Variants in TSPAN12 observed in about 807,000 individuals in gnomAD.
The protein encoded by TSPAN12 is tetraspanin 12, also known as tetraspanin-12.
Under a neutral mutation model 39.2 loss-of-function variants are expected in TSPAN12, and 19 were observed. That is an observed-to-expected ratio of 0.49 (90% CI 0.34 to 0.71). The LOEUF is 0.71. Ranked by LOEUF, TSPAN12 falls within the 30% of genes least tolerant of loss-of-function variation. The pLI is 0.01. For synonymous variants in TSPAN12, 119 were observed against 124.8 expected, an observed-to-expected ratio of 0.95 and a Z score of 0.31; for missense variants, 314 against 359.9, an observed-to-expected ratio of 0.87 and a Z score of 1.03.
chr7:120,788,924 T>G, intron 7 of TSPAN12, 27 bp from the exon 8 acceptor site: 3 of 1,611,794 alleles, frequency 1.9e-6, no homozygotes, highest in Admixed American at 1.7e-5. Context: ...TGGTCAACAT[T>G]ACTTTAGATA....
Position 120,840,097 on chromosome 7 carries a change from T to C in TSPAN12, c.79A>G (p.Ser27Gly), listed in dbSNP as rs1392484658. The C allele has an allele frequency of 1.2e-6, 2 of 1,613,396 alleles. No individual in the cohort carries two copies. Among genetic ancestry groups the C allele is most frequent in the Non-Finnish European group, 1.7e-6 (2 of 1,179,544 alleles). ...LNLLFWLMSI[S>G]VLAVSAWMRD... is the part of the protein sequence containing the mutation. The stretch of plus-strand genomic sequence containing the variant: ...ATCCAAGCAGAAACTGCCAACACAC[T>C]GATGGACATTAACTGGGGAGAAAAA... Residue 27 changes from serine (S) to glycine (G), a missense_variant, in exon 3 of 8, where the codon AGT (serine) becomes GGT (glycine). Ser to Gly is a moderately conservative substitution (Grantham distance 56, BLOSUM62 0). Transcript: ENST00000222747.
chr7:120,822,716 A>G (rs1158619250), intron 4 of TSPAN12, among the ~76,000 whole-genome samples: 2 of 152,046 alleles, frequency 1.3e-5, no homozygotes, highest in Admixed American at 6.6e-5. Flanking sequence ...CCTCCCCCAA[A>G]CACAGGCCCC....
intron 6 of TSPAN12, 61 bp from the exon 7 acceptor site, chr7:120,806,753 A>G (rs1275863842): frequency 1.2e-6 from 2 of 1,605,102 alleles, no homozygotes; most frequent in Non-Finnish European, 1.7e-6. Flanking sequence ...AACTTATAGG[A>G]GATTAAACAT....
At chr7:120,832,732 G>A (rs1794410089) in intron 4 of TSPAN12, among the ~76,000 whole-genome samples, 1 of 151,890 alleles carries the variant, frequency 6.6e-6, no homozygotes. Flanking sequence ...AATTAAGGAG[G>A]GCAAAAGGAA....
At chr7:120,839,463 T>A (rs1038396465) in intron 3 of TSPAN12, among the ~76,000 whole-genome samples, 5 of 152,186 alleles carry the variant, frequency 3.3e-5, no homozygotes, top group African/African-American at 1.2e-4. Flanking sequence ...GTATTAATGA[T>A]AAAAATTAAC....
At chr7:120,793,649 G>A (rs1322888495) in intron 7 of TSPAN12, among the ~76,000 whole-genome samples, 1 of 152,206 alleles carries the variant, frequency 6.6e-6, no homozygotes, top group Non-Finnish European at 1.5e-5. Context: ...ATCTCCAAAA[G>A]AGGTGTCAAC....
intron 7 of TSPAN12, among the ~76,000 whole-genome samples, chr7:120,792,604 C>G (rs909675891): frequency 6.6e-6 from 1 of 152,054 alleles, no homozygotes; most frequent in Non-Finnish European, 1.5e-5. Flanking sequence ...TGGTAAAGGC[C>G]GGGAGACTCA....
At chr7:120,813,054 T>C (rs964731614) in intron 5 of TSPAN12, among the ~76,000 whole-genome samples, 7 of 152,146 alleles carry the variant, frequency 4.6e-5, no homozygotes, top group African/African-American at 1.7e-4. Flanking sequence ...GAGGAGACCA[T>C]TGAGGTTCTG....
intron 7 of TSPAN12, among the ~76,000 whole-genome samples, chr7:120,793,155 T>G (rs1320063073): frequency 3.3e-5 from 5 of 152,242 alleles, no homozygotes; most frequent in Non-Finnish European, 7.3e-5. Flanking sequence ...GTTTTCAAGT[T>G]TTCCAAATAT....
intron 7 of TSPAN12, among the ~76,000 whole-genome samples, chr7:120,789,591 CTCAT>C (rs1793480606): frequency 6.6e-6 from 1 of 152,160 alleles, no homozygotes; most frequent in South Asian, 2.1e-4. Context: ...TCTATAAGAG[CTCAT>C]TCACTCTTAG....
chr7:120,819,616 A>T (rs1212891123), intron 4 of TSPAN12, among the ~76,000 whole-genome samples: 2 of 152,174 alleles, frequency 1.3e-5, no homozygotes, highest in African/African-American at 4.8e-5. Context: ...ATTTGATTCA[A>T]ATAAAATATT....
chr7:120,835,946 A>T (rs1794467900), intron 4 of TSPAN12, among the ~76,000 whole-genome samples: 1 of 152,138 alleles, frequency 6.6e-6, no homozygotes, highest in African/African-American at 2.4e-5. Flanking sequence ...AATGAAGTAG[A>T]TAAAAAAGCA....
intron 7 of TSPAN12, among the ~76,000 whole-genome samples, chr7:120,796,068 CA>C (rs10717251): frequency 0.67 from 101,104 of 151,886 alleles, 33,948 homozygotes; most frequent in Middle Eastern, 0.8. Context: ...TCATTTTTAC[CA>C]AAAAAAATGT....
intron 7 of TSPAN12, among the ~76,000 whole-genome samples, chr7:120,796,799 TC>T (rs1793640549): frequency 6.6e-6 from 1 of 152,124 alleles, no homozygotes; most frequent in Non-Finnish European, 1.5e-5. Flanking sequence ...ACTTAGTCCA[TC>T]CACCCACTCA....
chr7:120,789,676 A>G (rs530111222), intron 7 of TSPAN12, among the ~76,000 whole-genome samples: 1 of 152,340 alleles, frequency 6.6e-6, no homozygotes, highest in South Asian at 2.1e-4. Flanking sequence ...ATTTAGGCAG[A>G]TAGTGAGGGT....
Position 120,810,450 on chromosome 7 carries a change from T to C in TSPAN12, c.468+13A>G, listed in dbSNP as rs1055359487. 6 of 1,519,202 alleles carry C rather than the reference T, an allele frequency of 3.9e-6. No homozygotes were observed. In the Admixed American group the frequency reaches 6.7e-5, roughly 17 times the overall value. 94.1% of individuals were successfully genotyped at this position (1,519,202 alleles called of 1,614,324 possible). On this transcript the variant is annotated intron_variant, in intron 6 of 7. Coordinates refer to ENST00000222747, the MANE Select transcript of TSPAN12 (RefSeq NM_012338.4). ...TACTTCACTCTCTCTACCTCAGAAA[T>C]TGTAGCACTTACCTCTCTCTGAAAA...
At chr7:120,792,364 G>A (rs1793544563) in intron 7 of TSPAN12, among the ~76,000 whole-genome samples, 2 of 152,224 alleles carry the variant, frequency 1.3e-5, no homozygotes, top group South Asian at 4.1e-4. Flanking sequence ...CTCCCCAGGA[G>A]GTTACCAACG....
At chr7:120,805,540 G>A (rs2116344354) in intron 7 of TSPAN12, among the ~76,000 whole-genome samples, 1 of 152,230 alleles carries the variant, frequency 6.6e-6, no homozygotes, top group South Asian at 2.1e-4. Flanking sequence ...AGTGTGAGCA[G>A]TGCCTTGTGA....
chr7:120,809,457 A>G (rs182428822), intron 6 of TSPAN12, among the ~76,000 whole-genome samples: 189 of 152,308 alleles, frequency 1.2e-3, no homozygotes, highest in Admixed American at 2.7e-3. Flanking sequence ...TCTGTGTTAC[A>G]ATGATAATTT....
Sources: gnomAD v4.1 joint callset for allele counts (sites outside exome capture counted in the v4.1 genomes callset) on GRCh38, gnomAD v4.1.1 for gene constraint, MANE v1.5 for transcripts, NCBI Gene and HGNC (gene_info 2026-07-23, HGNC 2026-07-21) for gene names.